Variants in SNAP47 observed in about 807,000 individuals in gnomAD.
SNAP47 encodes synaptosome associated protein 47.
A neutral mutation model predicts 31.4 loss-of-function variants in SNAP47; 20 were observed. The observed-to-expected ratio is 0.64, with a 90% CI of 0.45 to 0.93. SNAP47 has a LOEUF of 0.93. SNAP47 is among the 40% of genes least tolerant of loss of function. The pLI is 0.00. For synonymous variants in SNAP47, 194 were observed against 213.4 expected, an observed-to-expected ratio of 0.91 and a Z score of 0.79; for missense variants, 492 against 528.5, an observed-to-expected ratio of 0.93 and a Z score of 0.68.
At chr1:227,745,187 A>G (rs1384007601) in intron 1 of SNAP47, among the ~76,000 whole-genome samples, 3 of 152,180 alleles carry the variant, frequency 2.0e-5, no homozygotes, top group African/African-American at 7.2e-5. Flanking sequence ...TAAACATCCA[A>G]TAAACCTTTA....
intron 3 of SNAP47, chr1:227,759,733 G>A (rs748405): frequency 0.1 from 56,686 of 555,814 alleles, 3,060 homozygotes; most frequent in Middle Eastern, 0.18. Flanking sequence ...ATTCCAAAGC[G>A]GTTGGTACCA....
chr1:227,748,908 T>A (rs1316036046), intron 2 of SNAP47, among the ~76,000 whole-genome samples: 4 of 152,264 alleles, frequency 2.6e-5, no homozygotes, highest in Admixed American at 2.6e-4. Context: ...TGCTTTTCTT[T>A]TTCCAAGTCC....
rs541480238 is a variant in SNAP47 at position 227,745,129 on chromosome 1, G to A, written c.-45-2563G>A. 1.9e-4 allele frequency among the ~76,000 whole-genome samples: 29 copies of A among 152,328 alleles called. 1 individual carries two copies. Among genetic ancestry groups the A allele is most frequent in the Non-Finnish European group, 3.1e-4 (21 of 68,024 alleles). On this transcript the variant is annotated intron_variant, in intron 1 of 4. Coordinates refer to ENST00000617596, the MANE Select transcript of SNAP47 (RefSeq NM_053052.4). The stretch of plus-strand genomic sequence containing the variant: ...GCTGAAATTTAGTTCTGGTACACCT[G>A]TCATGCATGCGTTTATTAATTTTAA...
chr1:227,771,306 C>A (rs1182108085), intron 4 of SNAP47, among the ~76,000 whole-genome samples: 1 of 152,180 alleles, frequency 6.6e-6, no homozygotes, highest in Non-Finnish European at 1.5e-5. Flanking sequence ...GCTAAGCCGC[C>A]ATGTTTGGGG....
chr1:227,766,170 T>A (rs1663385092), intron 3 of SNAP47, among the ~76,000 whole-genome samples: 1 of 152,210 alleles, frequency 6.6e-6, no homozygotes, highest in South Asian at 2.1e-4. Context: ...CCCACCTGCC[T>A]GCCTGCCCCA....
At chr1:227,738,173 C>T (rs554015495) in intron 1 of SNAP47, among the ~76,000 whole-genome samples, 10 of 152,228 alleles carry the variant, frequency 6.6e-5, no homozygotes, top group East Asian at 1.9e-4. Context: ...TCCTGAGTAG[C>T]GAAGATTACA....
At chr1:227,734,007 T>C, upstream of SNAP47, 1 of 1,613,078 alleles carries the variant, frequency 6.2e-7, no homozygotes, top group Non-Finnish European at 8.5e-7. Context: ...ACAGGCAGGG[T>C]GAAAACGTCC....
intron 4 of SNAP47, chr1:227,775,740 CA>C: frequency 7.7e-7 from 1 of 1,295,542 alleles, no homozygotes; most frequent in Non-Finnish European, 1.0e-6. Flanking sequence ...CCTTTATAAA[CA>C]AAATGGAAAT....
At chr1:227,752,602 T>G (rs932936522) in intron 2 of SNAP47, among the ~76,000 whole-genome samples, 2 of 152,240 alleles carry the variant, frequency 1.3e-5, no homozygotes, top group African/African-American at 4.8e-5. Context: ...CCATGGCATA[T>G]AGACACTGTA....
intron 1 of SNAP47, chr1:227,736,093 A>T (rs1200615300): frequency 4.0e-5 from 6 of 151,416 alleles, no homozygotes; most frequent in Non-Finnish European, 8.8e-5. Flanking sequence ...GATCAGTGGC[A>T]CCTGGAGGGG....
In SNAP47 at chr1:227,771,846, A is replaced by G. The variant is rs183172412; in HGVS notation, c.1113+4763A>G. Among the ~76,000 whole-genome samples, 8 of 152,232 alleles carry G rather than the reference A, an allele frequency of 5.3e-5. No homozygotes were observed. The East Asian group carries it at 1.5e-3, about 29-fold the overall frequency. On this transcript the variant is annotated intron_variant, in intron 4 of 4. Coordinates refer to ENST00000617596, the MANE Select transcript of SNAP47 (RefSeq NM_053052.4). ...ACAGCCCTTGGGGTCCCAGATGCTC[A>G]CACCAACCAGTACCCAGAAACCACC...
upstream of SNAP47, chr1:227,730,617 T>G (rs1660580119): frequency 6.6e-6 from 1 of 152,290 alleles, no homozygotes; most frequent in African/African-American, 2.4e-5. Context: ...AATGCCTGCT[T>G]TAACCAAGAA....
rs925688149 is a variant in SNAP47 at position 227,748,239 on chromosome 1, C to T, written c.497+6C>T. The T allele has an allele frequency of 2.6e-6, 4 of 1,564,584 alleles. No homozygotes were observed. The Admixed American group carries it at 5.6e-5, about 22-fold the overall frequency. On this transcript the variant is annotated splice_donor_region_variant and intron_variant, in intron 2 of 4. Coordinates refer to ENST00000617596, the MANE Select transcript of SNAP47 (RefSeq NM_053052.4). ...GACCTGGAGGTGGCGGACAGGTGGG[C>T]TTGCTGTGTACACTTTGCAAGGCAC...
chr1:227,742,383 C>T (rs967695152), intron 1 of SNAP47, among the ~76,000 whole-genome samples: 1 of 152,192 alleles, frequency 6.6e-6, no homozygotes, highest in Non-Finnish European at 1.5e-5. Flanking sequence ...CACAGGTGCA[C>T]ACCAGCATGC....
intron 1 of SNAP47, among the ~76,000 whole-genome samples, chr1:227,740,977 G>A (rs979474600): frequency 1.4e-5 from 2 of 147,636 alleles, no homozygotes; most frequent in Non-Finnish European, 3.0e-5. Context: ...CTGTGAAATT[G>A]GGGTGCCTGT....
At chr1:227,733,209 A>C, upstream of SNAP47, 1 of 857,574 alleles carries the variant, frequency 1.2e-6, no homozygotes. Flanking sequence ...ACCTCAGGCC[A>C]CAGTGAACCC....
intron 4 of SNAP47, among the ~76,000 whole-genome samples, chr1:227,769,235 A>G (rs909254646): frequency 6.6e-6 from 1 of 152,140 alleles, no homozygotes; most frequent in African/African-American, 2.4e-5. Context: ...CAGGCTTCAC[A>G]TTCACGACTG....
At chr1:227,729,484 G>A (rs1214437499) in intron 1 of SNAP47, among the ~76,000 whole-genome samples, 2 of 152,176 alleles carry the variant, frequency 1.3e-5, no homozygotes, top group Non-Finnish European at 2.9e-5. Flanking sequence ...GTGGATGGGG[G>A]ACAGGGCTGA....
chr1:227,778,113 G>A (rs1301223842), intron 4 of SNAP47, among the ~76,000 whole-genome samples: 3 of 152,232 alleles, frequency 2.0e-5, no homozygotes, highest in South Asian at 4.1e-4. Flanking sequence ...ACATAGCGAC[G>A]GGGGAAAAAG....
Sources: gnomAD v4.1 joint callset for allele counts (sites outside exome capture counted in the v4.1 genomes callset) on GRCh38, gnomAD v4.1.1 for gene constraint, MANE v1.5 for transcripts, NCBI Gene and HGNC (gene_info 2026-07-23, HGNC 2026-07-21) for gene names.